Variants in MEP1A observed in about 807,000 individuals in gnomAD.
MEP1A encodes N-benzoyl-L-tyrosyl-P-amino-benzoic acid hydrolase subunit alpha.
Under a neutral mutation model 84.5 loss-of-function variants are expected in MEP1A, and 68 were observed. That is an observed-to-expected ratio of 0.80 (90% CI 0.66 to 0.98). The LOEUF (loss-of-function observed/expected upper bound fraction) is 0.98. Among genes scored for constraint, MEP1A ranks in the 50% least tolerant of loss-of-function variants. MEP1A has a pLI of 0.00. For synonymous variants in MEP1A, 337 were observed against 336.8 expected (o/e 1.00, Z -0.01); for missense variants, 887 against 919.9 (o/e 0.96, Z 0.46).
At chr6:46,810,001 AATGGT>A (rs1260020920) in intron 6 of MEP1A, among the ~76,000 whole-genome samples, 1 of 151,948 alleles carries the variant, frequency 6.6e-6, no homozygotes, top group East Asian at 1.9e-4. Context: ...TGCTGGATCA[AATGGT>A]AGTTCTACTT....
intron 7 of MEP1A, among the ~76,000 whole-genome samples, chr6:46,824,583 TA>T (rs980753854): frequency 3.6e-5 from 5 of 139,198 alleles, no homozygotes; most frequent in African/African-American, 1.0e-4. Flanking sequence ...TTTAAATATA[TA>T]AATTATATAT....
In MEP1A at chr6:46,819,629, T is replaced by C; in HGVS notation, c.481T>C (p.Leu161=). Residue 161 remains leucine, a synonymous_variant, in exon 7 of 14, where the codon TTG becomes CTG. Coordinates refer to ENST00000230588, the MANE Select transcript of MEP1A (RefSeq NM_005588.3). ...AIIEHEILHA[L]GFYHEQSRTD... ...CATAGAACACGAGATCCTGCATGCT[T>C]TGGGATTTTACCACGAGCAGTCAAG... The C allele has an allele frequency of 6.2e-7, 1 of 1,614,030 alleles. No individual in the cohort carries two copies. Among genetic ancestry groups the C allele is most frequent in the South Asian group, 1.1e-5 (1 of 91,072 alleles).
intron 6 of MEP1A, 46 bp downstream of exon 6, chr6:46,809,583 C>G: frequency 7.8e-7 from 1 of 1,288,318 alleles, no homozygotes; most frequent in Non-Finnish European, 1.1e-6. Flanking sequence ...TACTTTGGTT[C>G]GTAAGAAGTA....
intron 6 of MEP1A, among the ~76,000 whole-genome samples, chr6:46,814,333 C>T (rs993033921): frequency 1.3e-5 from 2 of 152,072 alleles, no homozygotes; most frequent in Admixed American, 6.6e-5. Flanking sequence ...TTGTTCGATT[C>T]TATTGCTGAG....
chr6:46,842,623 C>T (rs999019541), downstream of MEP1A, among the ~76,000 whole-genome samples: 4 of 152,240 alleles, frequency 2.6e-5, no homozygotes, highest in East Asian at 1.9e-4. Flanking sequence ...AATACGTGCA[C>T]AGTGGGACAT....
intron 11 of MEP1A, among the ~76,000 whole-genome samples, chr6:46,834,022 G>A (rs895519683): frequency 6.6e-6 from 1 of 150,960 alleles, no homozygotes; most frequent in Non-Finnish European, 1.5e-5. Flanking sequence ...TGTCGCCCAG[G>A]CTGCAATGTA....
At chr6:46,844,259 G>T (rs555284470), downstream of MEP1A, among the ~76,000 whole-genome samples, 1 of 152,282 alleles carries the variant, frequency 6.6e-6, no homozygotes, top group South Asian at 2.1e-4. Context: ...GGAGTCAGGT[G>T]CCAGTGACCT....
intron 5 of MEP1A, among the ~76,000 whole-genome samples, chr6:46,807,815 GAAAGAAA>G (rs2150744100): frequency 1.3e-5 from 2 of 150,426 alleles, no homozygotes; most frequent in African/African-American, 2.4e-5. Context: ...AAGAAAGAAA[GAAAGAAA>G]GAAAGAAAGA....
intron 13 of MEP1A, among the ~76,000 whole-genome samples, chr6:46,836,864 A>G (rs972876988): frequency 6.7e-6 from 1 of 149,790 alleles, no homozygotes; most frequent in African/African-American, 2.5e-5. Context: ...TGGCAAGATT[A>G]GTAAAGATGT....
In MEP1A at chr6:46,833,104, A is replaced by T; in HGVS notation, c.1175A>T (p.His392Leu). The T allele has an allele frequency of 6.5e-7, 1 of 1,533,098 alleles. No individual in the cohort carries two copies. The highest frequency in any genetic ancestry group is 8.7e-7 in the Non-Finnish European group (1 of 1,144,416). The allele number at this position is 1,533,098 out of a possible 1,614,324, so 95.0% of individuals were successfully genotyped here. A position where few individuals can be genotyped will look rare whatever the true frequency, so the allele number is the denominator to read the frequency against. Reference protein sequence around the residue: ...GDDDHNWKIAHVVLKEEQKFR... With the variant: ...GDDDHNWKIALVVLKEEQKFR... ...GATGACCACAATTGGAAAATTGCCC[A>T]TGTGGTGCTCAAAGAGGAACAGAAG... Residue 392 changes from histidine (H) to leucine (L), a missense_variant, in exon 11 of 14, where the codon CAT (histidine) becomes CTT (leucine). His to Leu is a moderately conservative substitution (Grantham distance 99). Transcript: ENST00000230588.
At chr6:46,842,411 G>A (rs957479700), downstream of MEP1A, among the ~76,000 whole-genome samples, 1 of 152,178 alleles carries the variant, frequency 6.6e-6, no homozygotes, top group Non-Finnish European at 1.5e-5. Context: ...TTGGGGGAAG[G>A]AATGCATTCC....
chr6:46,833,298 C>G lies in MEP1A; in HGVS notation c.1369C>G (p.Pro457Ala). Residue 457 changes from proline to alanine, a missense_variant, in exon 11 of 14, where the codon CCT (proline) becomes GCT (alanine). Coordinates refer to ENST00000230588, the MANE Select transcript of MEP1A (RefSeq NM_005588.3). ...NTSKGDKLQS[P>A]RFYNSEGYGF... is the part of the protein sequence containing the mutation. ...CAGCAAAGGGGACAAGCTTCAGAGC[C>G]CTCGATTCTACAATTCGGAGGGATA... The G allele has an allele frequency of 6.2e-7, 1 of 1,614,170 alleles. No homozygotes were observed. The highest frequency in any genetic ancestry group is 8.5e-7 in the Non-Finnish European group (1 of 1,180,036).
chr6:46,798,101 G>A (rs1308903215), intron 3 of MEP1A, among the ~76,000 whole-genome samples: 1 of 151,816 alleles, frequency 6.6e-6, no homozygotes, highest in African/African-American at 2.4e-5. Flanking sequence ...CCGAGTACCT[G>A]GGACTACAGG....
the MEP1A span, among the ~76,000 whole-genome samples, chr6:46,845,509 A>G: frequency 6.6e-6 from 1 of 152,262 alleles, no homozygotes; most frequent in Non-Finnish European, 1.5e-5. Context: ...CACAGAAAAC[A>G]TGATCCTAAT....
At chr6:46,821,420 A>G (rs1172471427) in intron 7 of MEP1A, among the ~76,000 whole-genome samples, 4 of 152,240 alleles carry the variant, frequency 2.6e-5, no homozygotes, top group South Asian at 2.1e-4. Flanking sequence ...AGATGAAATA[A>G]TAACTCAGAC....
rs751684564 is a variant in MEP1A at position 46,829,501 on chromosome 6, C to T, written c.1074C>T (p.Leu358=). 6.8e-6 allele frequency: 11 copies of T among 1,614,032 alleles called. No individual in the cohort carries two copies. Among genetic ancestry groups the T allele is most frequent in the Non-Finnish European group, 9.3e-6 (11 of 1,179,910 alleles). The change falls in exon 10 of 14, where the codon CTC becomes CTT. Residue 358 remains leucine, a synonymous_variant. Coordinates refer to ENST00000230588, the MANE Select transcript of MEP1A (RefSeq NM_005588.3). Reference sequence around the variant, plus strand: ...TGACGGGAAGTCCTTCAGACAGACTCGTTGTCTGGGTCAGGAGGGATGACA... The same window carrying T: ...TGACGGGAAGTCCTTCAGACAGACTTGTTGTCTGGGTCAGGAGGGATGACA... ...YKMTGSPSDR[L]VVWVRRDDST... is the part of the protein sequence containing the mutation.
chr6:46,801,801 CTGAT>C (rs1468453366), intron 5 of MEP1A, among the ~76,000 whole-genome samples: 15 of 151,976 alleles, frequency 9.9e-5, no homozygotes, highest in Admixed American at 3.3e-4. Context: ...GAGATTGAGA[CTGAT>C]TGGTTGGTAT....
In MEP1A at chr6:46,825,266, T is replaced by C; in HGVS notation, c.557-6T>C. On this transcript the variant is annotated splice_polypyrimidine_tract_variant and splice_region_variant and intron_variant, in intron 7 of 13. Transcript: ENST00000230588. ...GAGAAGGACCTGTGGATTCTCTCCC[T>C]AACAGGTTACCAGCACAACTTTGAC... The C allele has an allele frequency of 6.3e-7, 1 of 1,599,714 alleles. No homozygotes were observed. Among genetic ancestry groups the C allele is most frequent in the Non-Finnish European group, 8.6e-7 (1 of 1,168,806 alleles).
intron 6 of MEP1A, among the ~76,000 whole-genome samples, chr6:46,815,540 C>A (rs577724365): frequency 6.6e-6 from 1 of 152,264 alleles, no homozygotes; most frequent in East Asian, 1.9e-4. Context: ...AGAAAGCAAG[C>A]AGACTCACAG....
Sources: allele counts gnomAD v4.1 joint callset (sites outside exome capture counted in the v4.1 genomes callset), GRCh38; gene constraint gnomAD v4.1.1; transcripts MANE v1.5; gene names NCBI Gene and HGNC (gene_info 2026-07-23, HGNC 2026-07-21).